Variants in ALPK1 observed in about 807,000 individuals in gnomAD.
ALPK1 encodes alpha kinase 1.
A neutral mutation model predicts 120.6 loss-of-function variants in ALPK1; 110 were observed. That is an observed-to-expected ratio of 0.91 (90% CI 0.78 to 1.07). The LOEUF is 1.07. Among genes scored for constraint, ALPK1 ranks in the 50% least tolerant of loss-of-function variants. The pLI is 0.00. For missense variants in ALPK1, 1,498 were observed against 1,483.9 expected (o/e 1.01, Z -0.16); for synonymous variants, 582 against 560.3 (o/e 1.04, Z -0.55).
intron 4 of ALPK1, among the ~76,000 whole-genome samples, chr4:112,400,702 CA>C (rs1225557748): frequency 2.0e-5 from 3 of 152,152 alleles, no homozygotes; most frequent in Non-Finnish European, 2.9e-5. Context: ...AAGACAGATA[CA>C]AAAGAGTAAC....
intron 4 of ALPK1, among the ~76,000 whole-genome samples, chr4:112,405,482 A>C (rs1369843736): frequency 1.3e-5 from 2 of 152,068 alleles, no homozygotes; most frequent in African/African-American, 4.8e-5. Flanking sequence ...TTCTTTTCAT[A>C]GAATTTTCTC....
Position 112,439,738 on chromosome 4 carries a change from T to C in ALPK1, c.3404T>C (p.Leu1135Pro), listed in dbSNP as rs763145916. 5 of 1,613,544 alleles carry C rather than the reference T, an allele frequency of 3.1e-6. No individual in the cohort carries two copies. The highest frequency in any genetic ancestry group is 4.2e-6 in the Non-Finnish European group (5 of 1,179,812). The change falls in exon 14 of 16, where the codon CTG (leucine) becomes CCG (proline). Residue 1135 changes from leucine (L) to proline (P), a missense_variant. Physicochemically the swap from Leu to Pro is moderately conservative, Grantham distance 98. Transcript: ENST00000650871. Reference sequence around the variant, plus strand: ...TGTATCAGTGTGGAGCCTTACATACTGGGAGAATTTGTAAAATTGTCAAAT... The same window carrying C: ...TGTATCAGTGTGGAGCCTTACATACCGGGAGAATTTGTAAAATTGTCAAAT... ...KGCISVEPYI[L>P]GEFVKLSNNT...
intron 2 of ALPK1, among the ~76,000 whole-genome samples, chr4:112,361,565 C>T (rs1222518804): frequency 1.3e-5 from 2 of 152,184 alleles, no homozygotes; most frequent in African/African-American, 4.8e-5. Context: ...TGCAGCAAGC[C>T]AGGGCCAAGG....
At chr4:112,394,582 C>T (rs1732567843) in intron 4 of ALPK1, among the ~76,000 whole-genome samples, 2 of 152,172 alleles carry the variant, frequency 1.3e-5, no homozygotes, top group South Asian at 4.1e-4. Context: ...TTAAACCCTG[C>T]TCTAAAACTC....
At chr4:112,397,175 C>T (rs1732689329) in intron 4 of ALPK1, among the ~76,000 whole-genome samples, 1 of 152,206 alleles carries the variant, frequency 6.6e-6, no homozygotes, top group Non-Finnish European at 1.5e-5. Flanking sequence ...GCTGAAACCC[C>T]TTTTCTTTGC....
At chr4:112,420,417 C>T (rs1733936534) in intron 5 of ALPK1, among the ~76,000 whole-genome samples, 1 of 152,166 alleles carries the variant, frequency 6.6e-6, no homozygotes, top group Non-Finnish European at 1.5e-5. Context: ...TCCCTCAGAG[C>T]CTCGTACCAT....
chr4:112,394,605 C>A (rs1388008288), intron 4 of ALPK1, among the ~76,000 whole-genome samples: 1 of 152,108 alleles, frequency 6.6e-6, no homozygotes, highest in Non-Finnish European at 1.5e-5. Context: ...CCAAAAACTG[C>A]CCTTTTAATA....
At chr4:112,384,230 A>G (rs1256293736) in intron 4 of ALPK1, 1 of 152,204 alleles carries the variant, frequency 6.6e-6, no homozygotes, top group African/African-American at 2.4e-5. Context: ...CCAATTCTCC[A>G]TCAGGAAGCA....
At chr4:112,376,204 T>C (rs924696826) in intron 2 of ALPK1, among the ~76,000 whole-genome samples, 1 of 152,168 alleles carries the variant, frequency 6.6e-6, no homozygotes, top group African/African-American at 2.4e-5. Context: ...ACACCGACGG[T>C]TAGACTTGCT....
chr4:112,370,172 T>C (rs1272504039), intron 2 of ALPK1, among the ~76,000 whole-genome samples: 2 of 152,224 alleles, frequency 1.3e-5, no homozygotes, highest in Non-Finnish European at 1.5e-5. Context: ...TAATAGCTGA[T>C]TTGTCAATTA....
chr4:112,340,911 G>T (rs1190808428), intron 2 of ALPK1, among the ~76,000 whole-genome samples: 1 of 152,222 alleles, frequency 6.6e-6, no homozygotes, highest in Admixed American at 6.5e-5. Flanking sequence ...TGTGTGATTT[G>T]CAGTCCATGT....
At position 112,430,744 on chromosome 4, in the gene ALPK1, G is replaced by T. The variant is rs779806070; in HGVS notation, c.1197G>T (p.Gln399His). The change falls in exon 11 of 16, where the codon CAG (glutamine) becomes CAT (histidine). Residue 399 changes from glutamine to histidine, a missense_variant. Transcript: ENST00000650871. ...LYNFSTSSRSQDREALSQEVM... is the reference protein window; with the variant it reads ...LYNFSTSSRSHDREALSQEVM... Reference sequence around the variant, plus strand: ...ATTTCAGCACTTCCTCCAGAAGTCAGGACAGAGAAGCTCTGTCTCAAGAAG... The same window carrying T: ...ATTTCAGCACTTCCTCCAGAAGTCATGACAGAGAAGCTCTGTCTCAAGAAG... The T allele has an allele frequency of 6.2e-7, 1 of 1,614,208 alleles. No individual in the cohort carries two copies. Among genetic ancestry groups the T allele is most frequent in the Non-Finnish European group, 8.5e-7 (1 of 1,180,032 alleles).
At chr4:112,331,375 C>T (rs928494270) in intron 2 of ALPK1, among the ~76,000 whole-genome samples, 2 of 152,202 alleles carry the variant, frequency 1.3e-5, no homozygotes, top group African/African-American at 2.4e-5. Context: ...CATATCCATA[C>T]GTGTATCTCT....
intron 2 of ALPK1, among the ~76,000 whole-genome samples, chr4:112,363,605 G>A (rs1731009597): frequency 6.6e-6 from 1 of 152,040 alleles, no homozygotes; most frequent in Non-Finnish European, 1.5e-5. Context: ...CACAATAATA[G>A]TGAGGGACTT....
chr4:112,374,011 T>C (rs1330621449), intron 2 of ALPK1, among the ~76,000 whole-genome samples: 4 of 152,210 alleles, frequency 2.6e-5, no homozygotes, highest in South Asian at 2.1e-4. Context: ...GGAGTGGCTG[T>C]GGCAATTTCT....
At chr4:112,405,617 C>T (rs1256601264) in intron 4 of ALPK1, among the ~76,000 whole-genome samples, 1 of 152,070 alleles carries the variant, frequency 6.6e-6, no homozygotes, top group Non-Finnish European at 1.5e-5. Context: ...GCTGTGTCAC[C>T]CAAGCTGGAA....
rs371199667 is a variant in ALPK1, at chr4:112,432,579, A to G, written c.3032A>G (p.His1011Arg). Residue 1011 changes from histidine (H) to arginine (R), a missense_variant and splice_region_variant, in exon 11 of 16, where the codon CAT (histidine) becomes CGT (arginine). Transcript: ENST00000650871. ...VFKPSQLHRA[H>R]SALLLKYSKK... Reference sequence around the variant, plus strand: ...AAGCCCAGTCAACTCCACCGAGCACATAGTAAGTACAATCTTTTCAATAGT... The same window carrying G: ...AAGCCCAGTCAACTCCACCGAGCACGTAGTAAGTACAATCTTTTCAATAGT... 1.4e-5 allele frequency: 23 copies of G among 1,610,190 alleles called. No individual in the cohort carries two copies. In the African/African-American group the frequency reaches 2.4e-4, roughly 17 times the overall value.
intron 2 of ALPK1, among the ~76,000 whole-genome samples, chr4:112,318,104 T>C (rs904379373): frequency 3.3e-5 from 5 of 152,168 alleles, no homozygotes. Flanking sequence ...ATTGTATTAG[T>C]TTAAAAGACC....
At chr4:112,374,577 C>A (rs1446038797) in intron 2 of ALPK1, among the ~76,000 whole-genome samples, 1 of 152,078 alleles carries the variant, frequency 6.6e-6, no homozygotes, top group Non-Finnish European at 1.5e-5. Flanking sequence ...TTTGCTTTGC[C>A]CAGATCCATC....
Sources: gnomAD v4.1 joint callset for allele counts (sites outside exome capture counted in the v4.1 genomes callset) on GRCh38, gnomAD v4.1.1 for gene constraint, MANE v1.5 for transcripts, NCBI Gene and HGNC (gene_info 2026-07-23, HGNC 2026-07-21) for gene names.